OPRM1: variants seen among roughly 807,000 people sequenced by gnomAD.
The protein encoded by OPRM1 is opioid receptor mu 1.
OPRM1 carries 27 observed loss-of-function variants against 31.8 expected under a neutral mutation model. That is an observed-to-expected ratio of 0.85 (90% CI 0.63 to 1.17). The LOEUF is 1.17. OPRM1 is among the 50% of genes most tolerant of loss of function. OPRM1 has a pLI of 0.00. For synonymous variants in OPRM1, 196 were observed against 189.9 expected, an observed-to-expected ratio of 1.03 and a Z score of -0.26; for missense variants, 536 against 511.1, an observed-to-expected ratio of 1.05 and a Z score of -0.47.
intron 3 of OPRM1, among the ~76,000 whole-genome samples, chr6:154,180,967 T>C (rs141342029): frequency 1.2e-3 from 181 of 152,230 alleles, no homozygotes; most frequent in Non-Finnish European, 1.8e-3. Context: ...AAGGCACTTG[T>C]CACCAAGAGA....
At chr6:154,068,781 C>A (rs949701792) in intron 1 of OPRM1, among the ~76,000 whole-genome samples, 5 of 152,174 alleles carry the variant, frequency 3.3e-5, no homozygotes, top group Non-Finnish European at 5.9e-5. Flanking sequence ...GAAGCACCTC[C>A]ACAGTGTTTT....
At chr6:154,242,175 C>A (rs749171956) in intron 3 of OPRM1, among the ~76,000 whole-genome samples, 1 of 152,150 alleles carries the variant, frequency 6.6e-6, no homozygotes, top group Non-Finnish European at 1.5e-5. Context: ...CCCCAGAATG[C>A]GCATCTCCCA....
At chr6:154,150,709 C>G (rs187998162) in intron 3 of OPRM1, among the ~76,000 whole-genome samples, 2 of 152,362 alleles carry the variant, frequency 1.3e-5, no homozygotes, top group East Asian at 3.9e-4. Context: ...GTCTCAAAGC[C>G]TTGTTCCTTC....
chr6:154,057,365 G>C (rs1421424787), intron 1 of OPRM1, among the ~76,000 whole-genome samples: 1 of 152,170 alleles, frequency 6.6e-6, no homozygotes, highest in Non-Finnish European at 1.5e-5. Context: ...AATTTTACCA[G>C]TTAATAAATG....
chr6:154,018,120 A>G (rs1012614296), intron 1 of OPRM1, among the ~76,000 whole-genome samples: 7 of 152,146 alleles, frequency 4.6e-5, no homozygotes, highest in African/African-American at 1.7e-4. Context: ...TTTTTCTCCC[A>G]AGAATATATT....
intron 3 of OPRM1, among the ~76,000 whole-genome samples, chr6:154,213,594 C>G (rs544655713): frequency 2.0e-5 from 3 of 152,170 alleles, no homozygotes; most frequent in African/African-American, 4.8e-5. Context: ...CTCCCTGCTT[C>G]CAATTTCCAA....
intron 3 of OPRM1, among the ~76,000 whole-genome samples, chr6:154,203,934 C>T (rs1048809481): frequency 6.6e-6 from 1 of 152,100 alleles, no homozygotes; most frequent in Admixed American, 6.6e-5. Context: ...AAGGGGCTAT[C>T]GGTGCCAATT....
intron 3 of OPRM1, chr6:154,216,898 C>T (rs1778442479): frequency 6.4e-6 from 1 of 155,906 alleles, no homozygotes. Flanking sequence ...GTAACCTCTT[C>T]TTCCCCTAAG....
At chr6:154,100,292 T>TATATATTATAATATTATGAC (rs1562472997) in intron 3 of OPRM1, among the ~76,000 whole-genome samples, 1 of 149,776 alleles carries the variant, frequency 6.7e-6, no homozygotes, top group Middle Eastern at 3.3e-3. Context: ...TATATCATAA[T>TATATATTATAATATTATGAC]ATATATCAAA....
At chr6:154,100,365 C>T (rs561130837) in intron 3 of OPRM1, among the ~76,000 whole-genome samples, 1 of 151,014 alleles carries the variant, frequency 6.6e-6, no homozygotes, top group South Asian at 2.1e-4. Context: ...TAAAGGAATA[C>T]ACCCATAAAT....
chr6:154,088,800 T>C lies in OPRM1; in HGVS notation c.291-1026T>C, dbSNP rs144074509. Reference sequence around the variant, plus strand: ...TCTAATCTTACCATGGCATACAAGTTCTTCATGTACTGGCCTCTCTTCTTC... The same window carrying C: ...TCTAATCTTACCATGGCATACAAGTCCTTCATGTACTGGCCTCTCTTCTTC... On this transcript the variant is annotated intron_variant, in intron 1 of 3. Transcript: ENST00000330432. 9.5e-3 allele frequency among the ~76,000 whole-genome samples: 1,453 copies of C among 152,316 alleles called. 13 individuals are homozygous for C. Among genetic ancestry groups the C allele is most frequent in the Middle Eastern group, 0.031 (9 of 294 alleles).
intron 3 of OPRM1, among the ~76,000 whole-genome samples, chr6:154,219,788 T>C (rs1242945395): frequency 7.9e-5 from 12 of 152,222 alleles, no homozygotes; most frequent in Non-Finnish European, 1.8e-4. Context: ...CTTCTCTCTT[T>C]GTCCAAGTAA....
intron 1 of OPRM1, among the ~76,000 whole-genome samples, chr6:154,077,477 T>C (rs977747092): frequency 8.0e-5 from 12 of 149,462 alleles, no homozygotes; most frequent in African/African-American, 2.9e-4. Context: ...ACGCCTGTAA[T>C]CCCAGCACTT....
chr6:154,044,407 A>G (rs1403347678), intron 1 of OPRM1, among the ~76,000 whole-genome samples: 3 of 152,156 alleles, frequency 2.0e-5, no homozygotes, highest in Admixed American at 2.0e-4. Flanking sequence ...CCAAGTTGTT[A>G]TAGTTCCAGT....
At chr6:154,152,356 G>GAAAGAAAGAAAT (rs1798550891) in intron 3 of OPRM1, among the ~76,000 whole-genome samples, 2 of 142,724 alleles carry the variant, frequency 1.4e-5, no homozygotes, top group Non-Finnish European at 3.0e-5. Context: ...AGGAAAGAAA[G>GAAAGAAAGAAAT]AAAGAAAGAA....
intron 3 of OPRM1, among the ~76,000 whole-genome samples, chr6:154,096,325 G>GAGC (rs1793377475): frequency 6.6e-6 from 1 of 152,170 alleles, no homozygotes; most frequent in Admixed American, 6.5e-5. Flanking sequence ...CTCCCAAAGT[G>GAGC]CTGAGATTCC....
At chr6:154,209,200 T>C (rs779463531) in intron 3 of OPRM1, among the ~76,000 whole-genome samples, 14 of 152,218 alleles carry the variant, frequency 9.2e-5, no homozygotes. Context: ...TATTTTATAC[T>C]GTTGAGTTCA....
chr6:154,196,602 G>A (rs1454438476), intron 3 of OPRM1, among the ~76,000 whole-genome samples: 11 of 152,170 alleles, frequency 7.2e-5, no homozygotes, highest in Non-Finnish European at 1.2e-4. Flanking sequence ...ATTGTCAGCA[G>A]GTAGTGTGTG....
intron 3 of OPRM1, among the ~76,000 whole-genome samples, chr6:154,163,140 C>A (rs1001646886): frequency 6.6e-6 from 1 of 152,162 alleles, no homozygotes; most frequent in Non-Finnish European, 1.5e-5. Context: ...TGTCTTACTC[C>A]GAGCAGAAGC....
Sources: gnomAD v4.1 joint callset for allele counts (sites outside exome capture counted in the v4.1 genomes callset) on GRCh38, gnomAD v4.1.1 for gene constraint, MANE v1.5 for transcripts, NCBI Gene and HGNC (gene_info 2026-07-23, HGNC 2026-07-21) for gene names.